The following CCDC178 variants were observed in gnomAD, a reference collection of about 807,000 sequenced individuals.
The protein encoded by CCDC178 is coiled-coil domain-containing protein 178.
Under a neutral mutation model 117.4 loss-of-function variants are expected in CCDC178, and 126 were observed. That is an observed-to-expected ratio of 1.07 (90% CI 0.93 to 1.24). CCDC178 has a LOEUF of 1.24. CCDC178 is among the 50% of genes most tolerant of loss of function. The probability of loss-of-function intolerance (pLI) is 0.00; values close to 1 mark genes in which losing one functional copy is unlikely to be tolerated. For missense variants in CCDC178, 1,030 were observed against 986.9 expected (o/e 1.04, Z -0.59); for synonymous variants, 283 against 313.4 (o/e 0.90, Z 1.02).
chr18:33,136,537 T>C (rs1449570626), intron 20 of CCDC178, among the ~76,000 whole-genome samples: 4 of 152,122 alleles, frequency 2.6e-5, no homozygotes, highest in Non-Finnish European at 5.9e-5. Flanking sequence ...GACTTAGCAA[T>C]AGAGCAACAG....
Position 33,440,014 on chromosome 18 carries a change from A to C in CCDC178, c.-75T>G, listed in dbSNP as rs1367482004. 6.6e-6 allele frequency: 1 copy of C among 152,178 alleles called. No homozygotes were observed. The highest frequency in any genetic ancestry group is 1.5e-5 in the Non-Finnish European group (1 of 68,036). 9.4% of individuals were successfully genotyped at this position (152,178 alleles called of 1,614,324 possible). A position where few individuals can be genotyped will look rare whatever the true frequency, so the allele number is the denominator to read the frequency against. ...CATCTTATTTGGGGTGCTTTCGAGC[A>C]AGCAAGTATAAAATTCTCAGCCTCT... On this transcript the variant is annotated 5_prime_UTR_variant, in exon 2 of 23. Transcript: ENST00000383096.
intron 6 of CCDC178, among the ~76,000 whole-genome samples, chr18:33,362,911 A>G (rs2063150096): frequency 6.6e-6 from 1 of 151,264 alleles, no homozygotes; most frequent in African/African-American, 2.4e-5. Context: ...ATTTTATGCG[A>G]TGTGAATTGC....
chr18:33,388,036 TA>T (rs1177851918), intron 5 of CCDC178, among the ~76,000 whole-genome samples: 1 of 151,160 alleles, frequency 6.6e-6, no homozygotes, highest in Admixed American at 6.6e-5. Context: ...ACAACCCCAT[TA>T]AAAAAATGGG....
At chr18:33,122,386 A>G (rs2057948594) in intron 20 of CCDC178, among the ~76,000 whole-genome samples, 1 of 152,144 alleles carries the variant, frequency 6.6e-6, no homozygotes, top group Admixed American at 6.6e-5. Flanking sequence ...TTATAGAGAG[A>G]CAGAAGGTAT....
intron 20 of CCDC178, among the ~76,000 whole-genome samples, chr18:33,094,476 T>C (rs1282435101): frequency 6.6e-6 from 1 of 151,928 alleles, no homozygotes; most frequent in Non-Finnish European, 1.5e-5. Flanking sequence ...TTGAATTTTT[T>C]GTTCATTTGT....
chr18:32,974,649 C>T lies in CCDC178; in HGVS notation c.2421G>A (p.Leu807=). The T allele has an allele frequency of 6.2e-7, 1 of 1,613,404 alleles. No individual in the cohort carries two copies. The highest frequency in any genetic ancestry group is 8.5e-7 in the Non-Finnish European group (1 of 1,179,796). The change falls in exon 22 of 23, where the codon CTG becomes CTA. Residue 807 remains leucine, a synonymous_variant. Coordinates refer to ENST00000383096, the MANE Select transcript of CCDC178 (RefSeq NM_001105528.4). ...CCACCAGTTTGAAGTGCTCCTGCCACAGTGTGTGCATCCTTCTCTGCAGCT... is the reference window on the plus strand; with the variant it reads ...CCACCAGTTTGAAGTGCTCCTGCCATAGTGTGTGCATCCTTCTCTGCAGCT... ...LCQLQRRMHT[L]WQEHFKLVVL...
chr18:32,961,066 T>G (rs532522816), intron 22 of CCDC178, among the ~76,000 whole-genome samples: 110 of 152,250 alleles, frequency 7.2e-4, no homozygotes, highest in African/African-American at 2.4e-3. Context: ...CAATCATATG[T>G]AGCTATTTGG....
chr18:33,151,138 G>A (rs774850773), intron 20 of CCDC178, among the ~76,000 whole-genome samples: 4 of 152,154 alleles, frequency 2.6e-5, no homozygotes, highest in Non-Finnish European at 4.4e-5. Flanking sequence ...ATTGAGTACA[G>A]TGTACACTGC....
intron 21 of CCDC178, 147 bp downstream of exon 21, chr18:33,092,614 T>G: frequency 2.1e-6 from 1 of 468,308 alleles, no homozygotes; most frequent in Middle Eastern, 5.4e-4. Flanking sequence ...AAGGTTGATA[T>G]AAATATACAA....
chr18:32,963,191 T>C (rs2054743332), intron 22 of CCDC178, among the ~76,000 whole-genome samples: 1 of 152,058 alleles, frequency 6.6e-6, no homozygotes, highest in African/African-American at 2.4e-5. Flanking sequence ...GCTAGATAAA[T>C]GCTGCATTAA....
chr18:33,021,548 A>G (rs1363941795), intron 21 of CCDC178, among the ~76,000 whole-genome samples: 1 of 152,112 alleles, frequency 6.6e-6, no homozygotes, highest in Non-Finnish European at 1.5e-5. Flanking sequence ...AATACAAACA[A>G]CAAAACACAC....
chr18:33,021,558 C>A (rs1169928072), intron 21 of CCDC178, among the ~76,000 whole-genome samples: 4 of 152,052 alleles, frequency 2.6e-5, no homozygotes, highest in African/African-American at 9.7e-5. Context: ...ACAAAACACA[C>A]AACACACACA....
intron 7 of CCDC178, among the ~76,000 whole-genome samples, chr18:33,355,175 G>C (rs1043644308): frequency 6.6e-6 from 1 of 152,046 alleles, no homozygotes; most frequent in Admixed American, 6.6e-5. Flanking sequence ...TTTGAAAATT[G>C]GACATTTTGA....
chr18:33,437,496 AGGGTAGGTT>A (rs1319684903), intron 2 of CCDC178: 4 of 152,172 alleles, frequency 2.6e-5, no homozygotes, highest in Non-Finnish European at 5.9e-5. Context: ...CCAGGATCTA[AGGGTAGGTT>A]GAATCCCTTC....
intron 9 of CCDC178, among the ~76,000 whole-genome samples, chr18:33,343,206 C>T (rs959511894): frequency 4.0e-5 from 6 of 151,888 alleles, no homozygotes; most frequent in Admixed American, 6.6e-5. Context: ...GAAGCAGGTA[C>T]GATGGGAATA....
At chr18:33,353,376 G>A (rs1370538195) in intron 7 of CCDC178, among the ~76,000 whole-genome samples, 2 of 151,888 alleles carry the variant, frequency 1.3e-5, no homozygotes, top group Non-Finnish European at 2.9e-5. Flanking sequence ...CCTTTCAATT[G>A]GAGAGTTTAA....
chr18:33,239,823 A>C (rs2059465788), intron 15 of CCDC178, among the ~76,000 whole-genome samples: 1 of 151,844 alleles, frequency 6.6e-6, no homozygotes, highest in Admixed American at 6.6e-5. Context: ...CCAACAAAGA[A>C]ATATGGGATC....
intron 10 of CCDC178, among the ~76,000 whole-genome samples, chr18:33,325,609 T>G (rs1364432244): frequency 6.6e-6 from 1 of 152,156 alleles, no homozygotes; most frequent in African/African-American, 2.4e-5. Context: ...GGTTAGATCA[T>G]ACGCAAGTGC....
chr18:33,070,772 T>A lies in CCDC178; in HGVS notation c.2388+21989A>T, dbSNP rs75519434. 5.5e-3 allele frequency among the ~76,000 whole-genome samples: 832 copies of A among 152,198 alleles called. 72 individuals carry two copies. The East Asian group carries it at 0.14, about 26-fold the overall frequency. On this transcript the variant is annotated intron_variant, in intron 21 of 22. Coordinates refer to ENST00000383096, the MANE Select transcript of CCDC178 (RefSeq NM_001105528.4). Reference sequence around the variant, plus strand: ...TATACATGTATCAAAATATCATATGTACCCCATAAATATGTGGAATTATTA... The same window carrying A: ...TATACATGTATCAAAATATCATATGAACCCCATAAATATGTGGAATTATTA...
Sources: gnomAD v4.1 joint callset for allele counts (sites outside exome capture counted in the v4.1 genomes callset) on GRCh38, gnomAD v4.1.1 for gene constraint, MANE v1.5 for transcripts, NCBI Gene and HGNC (gene_info 2026-07-23, HGNC 2026-07-21) for gene names.